Variants in SARNP observed in about 807,000 individuals in gnomAD.
The protein encoded by SARNP is SAP domain containing ribonucleoprotein, also known as SAP domain-containing ribonucleoprotein.
SARNP carries 5 observed loss-of-function variants against 38.1 expected under a neutral mutation model. The ratio of observed to expected loss-of-function variants is 0.13; its 90% confidence interval spans 0.07 to 0.28. The LOEUF (loss-of-function observed/expected upper bound fraction) is 0.28, where lower values mean the gene tolerates loss of function less well. SARNP is among the 10% of genes least tolerant of loss of function. SARNP has a pLI of 1.00. For missense variants in SARNP, 180 were observed against 243.9 expected (o/e 0.74, Z 1.75); for synonymous variants, 84 against 80.6 (o/e 1.04, Z -0.23).
intron 9 of SARNP, among the ~76,000 whole-genome samples, chr12:55,764,757 G>A (rs535771303): frequency 3.4e-5 from 5 of 148,692 alleles, no homozygotes; most frequent in East Asian, 2.0e-4. Flanking sequence ...ACTTGAACCC[G>A]AGAGGCGGAG....
At chr12:55,789,169 T>C (rs778158460) in intron 8 of SARNP, 26 bp from the exon 9 acceptor site, 3 of 1,519,354 alleles carry the variant, frequency 2.0e-6, no homozygotes, top group East Asian at 2.3e-5. Context: ...GGAAAGAACA[T>C]AGTTTTAAAA....
rs772658095 is a variant in SARNP at position 55,817,675 on chromosome 12, A to G, written c.27T>C (p.His9=). Residue 9 remains histidine (H), a synonymous_variant, in exon 1 of 11, where the codon CAT becomes CAC. Coordinates refer to ENST00000336133, the MANE Select transcript of SARNP (RefSeq NM_033082.4). ...CCCCGATTCACGGTACCTTTAGCTTATGGAGCTCCACCGTCTCGGTCGCCA... is the reference window on the plus strand; with the variant it reads ...CCCCGATTCACGGTACCTTTAGCTTGTGGAGCTCCACCGTCTCGGTCGCCA... MATETVEL[H]KLKLAELKQE... is the part of the protein sequence containing the mutation. 1 of 1,612,928 alleles carries G rather than the reference A, an allele frequency of 6.2e-7. No homozygotes were observed. The highest frequency in any genetic ancestry group is 2.2e-5 in the East Asian group (1 of 44,728).
chr12:55,799,167 C>T (rs1167678613), intron 4 of SARNP, among the ~76,000 whole-genome samples: 1 of 152,164 alleles, frequency 6.6e-6, no homozygotes, highest in Non-Finnish European at 1.5e-5. Context: ...AAAGTCAGAT[C>T]TGAGAATGGA....
At chr12:55,785,839 T>A (rs1205765831) in intron 9 of SARNP, among the ~76,000 whole-genome samples, 1 of 151,216 alleles carries the variant, frequency 6.6e-6, no homozygotes, top group Admixed American at 6.6e-5. Flanking sequence ...AGTGTCACTA[T>A]CATGGCTCAC....
At chr12:55,779,499 T>G (rs1288778834) in intron 9 of SARNP, among the ~76,000 whole-genome samples, 2 of 152,230 alleles carry the variant, frequency 1.3e-5, no homozygotes, top group East Asian at 3.8e-4. Flanking sequence ...CTCTGGAAAC[T>G]AATTCTTCTA....
intron 9 of SARNP, among the ~76,000 whole-genome samples, chr12:55,766,630 G>GT (rs1878843044): frequency 1.8e-5 from 2 of 111,212 alleles, no homozygotes; most frequent in South Asian, 7.4e-4. Context: ...GGGGGGGGGG[G>GT]GGTTGTTTTT....
intron 9 of SARNP, among the ~76,000 whole-genome samples, chr12:55,772,712 C>CTTTT (rs11428581): frequency 1.5e-5 from 2 of 130,294 alleles, no homozygotes; most frequent in African/African-American, 2.9e-5. Context: ...GAAGCTGAAA[C>CTTTT]TTTTTTTTTT....
chr12:55,755,361 AAG>A (rs1878474247), downstream of SARNP: 2 of 152,302 alleles, frequency 1.3e-5, no homozygotes. Flanking sequence ...AGTGGAAAAA[AAG>A]AATAATCCTA....
intron 1 of SARNP, among the ~76,000 whole-genome samples, chr12:55,804,430 A>AC (rs61468934): frequency 1.1e-4 from 16 of 151,850 alleles, no homozygotes; most frequent in African/African-American, 3.9e-4. Context: ...AAAAAAAAAA[A>AC]CACTTCTTCA....
chr12:55,787,414 C>T (rs1325314460), intron 9 of SARNP, among the ~76,000 whole-genome samples: 1 of 152,074 alleles, frequency 6.6e-6, no homozygotes, highest in African/African-American at 2.4e-5. Flanking sequence ...GAGCTAAACG[C>T]TTTCATGCTG....
At chr12:55,783,468 A>G (rs1462206411) in intron 9 of SARNP, among the ~76,000 whole-genome samples, 1 of 151,696 alleles carries the variant, frequency 6.6e-6, no homozygotes, top group Non-Finnish European at 1.5e-5. Flanking sequence ...TTGCCTTGTC[A>G]CCTTCCATTA....
At chr12:55,761,050 G>A (rs1300874082) in intron 9 of SARNP, among the ~76,000 whole-genome samples, 3 of 151,822 alleles carry the variant, frequency 2.0e-5, no homozygotes, top group African/African-American at 4.8e-5. Flanking sequence ...GGTGGCGGGC[G>A]CCTGTAATCC....
chr12:55,767,289 C>T (rs1252278549), intron 9 of SARNP, among the ~76,000 whole-genome samples: 1 of 151,862 alleles, frequency 6.6e-6, no homozygotes, highest in Non-Finnish European at 1.5e-5. Flanking sequence ...TCACACATGC[C>T]ATCCCAAGCA....
At chr12:55,787,058 A>T (rs555852104) in intron 9 of SARNP, among the ~76,000 whole-genome samples, 1 of 151,712 alleles carries the variant, frequency 6.6e-6, no homozygotes, top group East Asian at 2.0e-4. Flanking sequence ...GAGAGACCTC[A>T]TCTCTAAAAA....
chr12:55,789,938 C>T (rs1222061987), intron 8 of SARNP, among the ~76,000 whole-genome samples: 5 of 133,850 alleles, frequency 3.7e-5, no homozygotes, highest in African/African-American at 8.5e-5. Flanking sequence ...AATGAAACTC[C>T]GTCTCAAAAA....
intron 7 of SARNP, chr12:55,793,011 G>C (rs1371226767): frequency 6.6e-6 from 1 of 152,170 alleles, no homozygotes; most frequent in East Asian, 1.9e-4. Context: ...AACTGTTTCA[G>C]GCTCGGCACA....
rs146587323 is a variant in SARNP at position 55,760,646 on chromosome 12, C to T, written c.502-6G>A. 1.9e-6 allele frequency: 3 copies of T among 1,597,778 alleles called. No individual in the cohort carries two copies. Among genetic ancestry groups the T allele is most frequent in the East Asian group, 4.5e-5 (2 of 44,800 alleles). On this transcript the variant is annotated splice_polypyrimidine_tract_variant and splice_region_variant and intron_variant, in intron 9 of 10. Coordinates refer to ENST00000336133, the MANE Select transcript of SARNP (RefSeq NM_033082.4). ...AGTTTCTCATCATCTTCAGACTGTT[C>T]AAGGACAAAGGAAAGAGTTGAAACA...
At chr12:55,779,044 C>A in intron 9 of SARNP, among the ~76,000 whole-genome samples, 1 of 152,108 alleles carries the variant, frequency 6.6e-6, no homozygotes, top group East Asian at 1.9e-4. Context: ...ACAAAAAACT[C>A]CAAGAATGTT....
At chr12:55,754,357 T>A (rs528080420), downstream of SARNP, 1 of 152,334 alleles carries the variant, frequency 6.6e-6, no homozygotes, top group East Asian at 1.9e-4. Flanking sequence ...TATCCTATAC[T>A]CTGACCTTGC....
Sources: allele counts gnomAD v4.1 joint callset (sites outside exome capture counted in the v4.1 genomes callset), GRCh38; gene constraint gnomAD v4.1.1; transcripts MANE v1.5; gene names NCBI Gene and HGNC (gene_info 2026-07-23, HGNC 2026-07-21).